The following RARB variants were observed in gnomAD, a reference collection of about 807,000 sequenced individuals.
RARB encodes HBV-activated protein.
RARB carries 17 observed loss-of-function variants against 51.9 expected under a neutral mutation model. The ratio of observed to expected loss-of-function variants is 0.33; its 90% confidence interval spans 0.22 to 0.49. RARB has a LOEUF of 0.49. Ranked by LOEUF, RARB falls within the 20% of genes least tolerant of loss-of-function variation. RARB has a pLI of 0.99. For missense variants in RARB, 369 were observed against 550.8 expected (o/e 0.67, Z 3.30); for synonymous variants, 215 against 195.4 (o/e 1.10, Z -0.84).
intron 5 of RARB, among the ~76,000 whole-genome samples, chr3:25,250,300 C>A (rs1421387156): frequency 1.3e-5 from 2 of 152,138 alleles, no homozygotes; most frequent in Non-Finnish European, 2.9e-5. Flanking sequence ...TATCCTCAGG[C>A]TCCATGTGAT....
At chr3:25,339,269 T>G (rs1021129791) in intron 5 of RARB, among the ~76,000 whole-genome samples, 2 of 152,204 alleles carry the variant, frequency 1.3e-5, no homozygotes, top group African/African-American at 4.8e-5. Context: ...GGTTTCTCTG[T>G]ACATCGTGAA....
At chr3:25,091,107 C>A (rs1246751142) in intron 3 of RARB, among the ~76,000 whole-genome samples, 1 of 152,150 alleles carries the variant, frequency 6.6e-6, no homozygotes, top group East Asian at 1.9e-4. Context: ...TTAAATGTTT[C>A]ATCAGTAGTG....
At chr3:25,372,099 C>CT (rs1706317723) in intron 5 of RARB, among the ~76,000 whole-genome samples, 2 of 152,172 alleles carry the variant, frequency 1.3e-5, no homozygotes, top group Admixed American at 1.3e-4. Context: ...CCTTTGAAAC[C>CT]TTGTAGGCCA....
chr3:25,471,325 T>G (rs1031337661), intron 2 of RARB, among the ~76,000 whole-genome samples: 4 of 152,206 alleles, frequency 2.6e-5, no homozygotes, highest in African/African-American at 9.7e-5. Context: ...GGAAGAGTAC[T>G]GAGGGCTGTT....
intron 2 of RARB, among the ~76,000 whole-genome samples, chr3:24,995,554 G>C (rs1406567288): frequency 6.6e-6 from 1 of 151,974 alleles, no homozygotes; most frequent in Non-Finnish European, 1.5e-5. Context: ...TCAGTTCTTA[G>C]AGGAAAATCT....
At chr3:24,965,073 C>A (rs367786297) in intron 2 of RARB, among the ~76,000 whole-genome samples, 12 of 152,100 alleles carry the variant, frequency 7.9e-5, no homozygotes, top group Non-Finnish European at 8.8e-5. Flanking sequence ...CCCATGTAAT[C>A]GATTATCCTT....
At position 25,159,421 on chromosome 3, in the gene RARB, G is replaced by T. The variant is rs371321933; in HGVS notation, c.-279-14698G>T. On this transcript the variant is annotated intron_variant, in intron 4 of 11. Transcript: ENST00000383772. ...TGACCTCAGATGATCCACCCCCCCCGCTCCCCCTCAGCCTCCCAAAGTGCT... is the reference window on the plus strand; with the variant it reads ...TGACCTCAGATGATCCACCCCCCCCTCTCCCCCTCAGCCTCCCAAAGTGCT... Among the ~76,000 whole-genome samples, 95 of 107,000 alleles carry T rather than the reference G, an allele frequency of 8.9e-4. 1 individual carries two copies. Among genetic ancestry groups the T allele is most frequent in the African/African-American group, 2.8e-3 (87 of 31,530 alleles). The allele number at this position is 107,000 out of a possible 152,430, so 70.2% of individuals were successfully genotyped here.
chr3:25,061,714 A>G lies in RARB; in HGVS notation c.-328+1538A>G, dbSNP rs116323057. Among the ~76,000 whole-genome samples, 1,205 of 151,942 alleles carry G rather than the reference A, an allele frequency of 7.9e-3. 16 individuals are homozygous for G. Among genetic ancestry groups the G allele is most frequent in the African/African-American group, 0.028 (1,157 of 41,548 alleles). ...ATAATATGTTGATCCACTAAATTTT[A>G]TATTTTGGAGAGAAAGGTGTTTTAT... is the stretch of plus-strand genomic sequence containing the variant. On this transcript the variant is annotated intron_variant, in intron 3 of 11. Coordinates refer to the RARB transcript ENST00000383772.
chr3:25,494,940 C>A (rs1055992554), intron 2 of RARB, among the ~76,000 whole-genome samples: 5 of 152,218 alleles, frequency 3.3e-5, no homozygotes, highest in African/African-American at 1.2e-4. Flanking sequence ...ACTTTGCATG[C>A]ATTCCCTCTT....
chr3:25,192,680 AT>A, intron 5 of RARB, among the ~76,000 whole-genome samples: 1 of 152,178 alleles, frequency 6.6e-6, no homozygotes, highest in Non-Finnish European at 1.5e-5. Context: ...TGGCACAAGG[AT>A]GTTTTGGCAT....
chr3:24,882,664 C>G (rs185933049), intron 2 of RARB, among the ~76,000 whole-genome samples: 30 of 152,238 alleles, frequency 2.0e-4, no homozygotes, highest in African/African-American at 7.0e-4. Context: ...GAGTTGCTTA[C>G]ATTTTTCATA....
chr3:25,106,445 T>TTTTC (rs1699501860), intron 3 of RARB, among the ~76,000 whole-genome samples: 1 of 86,018 alleles, frequency 1.2e-5, no homozygotes, highest in African/African-American at 4.5e-5. Context: ...CCAGCTACTG[T>TTTTC]TTTTTGTTTT....
intron 4 of RARB, among the ~76,000 whole-genome samples, chr3:25,139,742 G>C (rs896941718): frequency 6.6e-6 from 1 of 152,168 alleles, no homozygotes; most frequent in African/African-American, 2.4e-5. Context: ...ATTGGAAAAA[G>C]ATGCCATCTG....
At chr3:25,206,003 T>G (rs1000619481) in intron 5 of RARB, among the ~76,000 whole-genome samples, 9 of 152,196 alleles carry the variant, frequency 5.9e-5, no homozygotes, top group African/African-American at 2.2e-4. Flanking sequence ...CAAGCATGTT[T>G]AAGGTAGACT....
intron 2 of RARB, among the ~76,000 whole-genome samples, chr3:24,971,034 A>G (rs35999624): frequency 0.2 from 30,534 of 151,816 alleles, 3,628 homozygotes; most frequent in East Asian, 0.3. Context: ...ATTCCAATGT[A>G]CTTTATTATC....
chr3:25,509,222 A>G (rs1161339782), intron 3 of RARB, among the ~76,000 whole-genome samples: 3 of 152,178 alleles, frequency 2.0e-5, no homozygotes, highest in African/African-American at 7.2e-5. Context: ...TTCACGTGAA[A>G]TGAACTAACC....
chr3:25,273,129 T>A (rs756746957), intron 5 of RARB, among the ~76,000 whole-genome samples: 4 of 152,208 alleles, frequency 2.6e-5, no homozygotes, highest in Non-Finnish European at 4.4e-5. Context: ...GGGAACAGGA[T>A]GACAAATTCT....
At chr3:25,162,080 G>A (rs1700482300) in intron 4 of RARB, among the ~76,000 whole-genome samples, 1 of 152,122 alleles carries the variant, frequency 6.6e-6, no homozygotes, top group Admixed American at 6.6e-5. Flanking sequence ...GTTGGTTTGT[G>A]TATGTATATA....
chr3:25,567,801 T>G (rs1326448192), intron 3 of RARB, among the ~76,000 whole-genome samples: 1 of 152,130 alleles, frequency 6.6e-6, no homozygotes, highest in Non-Finnish European at 1.5e-5. Context: ...GGAAGGCCAT[T>G]GGCAGAGGCC....
Sources: gnomAD v4.1 joint callset for allele counts (sites outside exome capture counted in the v4.1 genomes callset) on GRCh38, gnomAD v4.1.1 for gene constraint, MANE v1.5 for transcripts, NCBI Gene and HGNC (gene_info 2026-07-23, HGNC 2026-07-21) for gene names.